The following PDE1C variants were observed in gnomAD, a reference collection of about 807,000 sequenced individuals.
PDE1C encodes the protein dual specificity calcium/calmodulin-dependent 3',5'-cyclic nucleotide phosphodiesterase 1C.
Under a neutral mutation model 93.1 loss-of-function variants are expected in PDE1C, and 62 were observed. The ratio of observed to expected loss-of-function variants is 0.67; its 90% CI spans 0.54 to 0.82. The LOEUF (loss-of-function observed/expected upper bound fraction) is 0.82. PDE1C is among the 40% of genes least tolerant of loss of function. The probability of loss-of-function intolerance (pLI) is 0.00; values close to 1 mark genes in which losing one functional copy is unlikely to be tolerated. For missense variants in PDE1C, 742 were observed against 884.6 expected, an observed-to-expected ratio of 0.84 and a Z score of 2.04; for synonymous variants, 325 against 310.1, an observed-to-expected ratio of 1.05 and a Z score of -0.50.
chr7:31,994,932 T>C (rs1047851599), intron 2 of PDE1C, among the ~76,000 whole-genome samples: 4 of 152,134 alleles, frequency 2.6e-5, no homozygotes, highest in Non-Finnish European at 4.4e-5. Context: ...CTGGCCCTAC[T>C]GAAAATGTAG....
chr7:32,426,045 A>C (rs1256488158), intron 1 of PDE1C, among the ~76,000 whole-genome samples: 2 of 152,212 alleles, frequency 1.3e-5, no homozygotes, highest in Non-Finnish European at 2.9e-5. Flanking sequence ...CCCACACACA[A>C]AAAATATATA....
chr7:31,846,254 C>T (rs1382238729), intron 9 of PDE1C, among the ~76,000 whole-genome samples: 2 of 131,210 alleles, frequency 1.5e-5, no homozygotes, highest in South Asian at 4.7e-4. Flanking sequence ...TTTTTTGAGA[C>T]GGAGTCTCGC....
At chr7:31,794,037 T>C (rs57149747) in intron 16 of PDE1C, among the ~76,000 whole-genome samples, 21,510 of 99,542 alleles carry the variant, frequency 0.22, 1,964 homozygotes, top group South Asian at 0.28. Context: ...GATAGATAGA[T>C]AGATAGACAG....
the PDE1C span, among the ~76,000 whole-genome samples, chr7:31,662,867 C>A: frequency 2.0e-5 from 3 of 152,010 alleles, no homozygotes; most frequent in Non-Finnish European, 2.9e-5. Context: ...AATATTTATC[C>A]CTCTGATCCA....
At chr7:31,672,446 CCATAGTAAGT>C in the PDE1C span, among the ~76,000 whole-genome samples, 1 of 152,122 alleles carries the variant, frequency 6.6e-6, no homozygotes, top group Non-Finnish European at 1.5e-5. Context: ...CATACCCTCT[CCATAGTAAGT>C]CATTATCATT....
chr7:31,696,854 G>A, the PDE1C span: 2 of 1,229,116 alleles, frequency 1.6e-6, no homozygotes, highest in Non-Finnish European at 2.2e-6. Flanking sequence ...AAGTAAGTTT[G>A]GAAAGCTATA....
chr7:32,171,420 T>C (rs1466952664), intron 2 of PDE1C, among the ~76,000 whole-genome samples: 1 of 151,352 alleles, frequency 6.6e-6, no homozygotes, highest in Non-Finnish European at 1.5e-5. Flanking sequence ...AAAAAATCTG[T>C]AGTAAACATG....
intron 2 of PDE1C, among the ~76,000 whole-genome samples, chr7:32,204,257 T>C (rs572422440): frequency 6.6e-6 from 1 of 152,180 alleles, no homozygotes; most frequent in African/African-American, 2.4e-5. Flanking sequence ...AACTTGTGAA[T>C]TGTTTATTCC....
intron 3 of PDE1C, among the ~76,000 whole-genome samples, chr7:32,129,200 G>GT (rs1799779962): frequency 6.6e-6 from 1 of 150,910 alleles, no homozygotes; most frequent in African/African-American, 2.4e-5. Context: ...TTGTACTAGA[G>GT]TAAAAAAAAG....
At chr7:31,860,677 C>A (rs968373842) in intron 7 of PDE1C, among the ~76,000 whole-genome samples, 4 of 152,068 alleles carry the variant, frequency 2.6e-5, no homozygotes, top group African/African-American at 9.7e-5. Flanking sequence ...GTTTATGATG[C>A]TTTTTATCCT....
chr7:32,090,285 G>C (rs2128744251), intron 3 of PDE1C, among the ~76,000 whole-genome samples: 1 of 152,324 alleles, frequency 6.6e-6, no homozygotes, highest in South Asian at 2.1e-4. Flanking sequence ...AAAGGGCTCT[G>C]CCCTCTGTGA....
chr7:32,346,033 C>T (rs1783847593), intron 1 of PDE1C, among the ~76,000 whole-genome samples: 1 of 152,198 alleles, frequency 6.6e-6, no homozygotes, highest in Non-Finnish European at 1.5e-5. Context: ...TGAAGACTCA[C>T]AAGTGAATAT....
intron 3 of PDE1C, among the ~76,000 whole-genome samples, chr7:32,143,210 T>C (rs1463590165): frequency 6.6e-6 from 1 of 151,734 alleles, no homozygotes; most frequent in Non-Finnish European, 1.5e-5. Context: ...CATACCATAG[T>C]GAGTCTTAAG....
chr7:31,729,615 T>C, the PDE1C span, among the ~76,000 whole-genome samples: 1 of 152,164 alleles, frequency 6.6e-6, no homozygotes, highest in Non-Finnish European at 1.5e-5. Context: ...TCAAGTGTAT[T>C]GGAGAAAGGC....
chr7:31,675,889 T>TAC, the PDE1C span, among the ~76,000 whole-genome samples: 7 of 152,130 alleles, frequency 4.6e-5, no homozygotes, highest in East Asian at 1.2e-3. Context: ...AGACAGCATC[T>TAC]ACAGCAAAGC....
intron 2 of PDE1C, among the ~76,000 whole-genome samples, chr7:32,196,473 T>C (rs1210984153): frequency 6.6e-6 from 1 of 152,192 alleles, no homozygotes; most frequent in African/African-American, 2.4e-5. Context: ...CTCAGGGAAC[T>C]CATCACCATG....
intron 1 of PDE1C, among the ~76,000 whole-genome samples, chr7:32,350,574 ATATATATATATATATAT>A (rs1365067680): frequency 0.2 from 215 of 1,098 alleles, 78 homozygotes; most frequent in Admixed American, 0.55. Context: ...ATATATATAT[ATATATATATATATATAT>A]TTTTTTTTTT....
intron 1 of PDE1C, among the ~76,000 whole-genome samples, chr7:32,406,065 G>A (rs139861541): frequency 0.01 from 1,540 of 152,230 alleles, 14 homozygotes; most frequent in Non-Finnish European, 0.016. Flanking sequence ...CAAGTTATTA[G>A]TATCTTCATG....
At chr7:32,004,301 T>A (rs1320018246) in intron 2 of PDE1C, among the ~76,000 whole-genome samples, 1 of 152,122 alleles carries the variant, frequency 6.6e-6, no homozygotes, top group Non-Finnish European at 1.5e-5. Context: ...CCTCTCGTGA[T>A]CTTATTAAAA....
Sources: allele counts gnomAD v4.1 joint callset (sites outside exome capture counted in the v4.1 genomes callset), GRCh38; gene constraint gnomAD v4.1.1; transcripts MANE v1.5; gene names NCBI Gene and HGNC (gene_info 2026-07-23, HGNC 2026-07-21).